ZMAT4: variants seen among roughly 807,000 people sequenced by gnomAD.
The protein encoded by ZMAT4 is zinc finger matrin-type protein 4.
A neutral mutation model predicts 28.7 loss-of-function variants in ZMAT4; 17 were observed. The ratio of observed to expected loss-of-function variants is 0.59; its 90% CI spans 0.41 to 0.89. ZMAT4 has a LOEUF of 0.89. Ranked by LOEUF, ZMAT4 falls within the 40% of genes least tolerant of loss-of-function variation. The probability of loss-of-function intolerance (pLI) is 0.00; values close to 1 mark genes in which losing one functional copy is unlikely to be tolerated. For missense variants in ZMAT4, 240 were observed against 283.8 expected, an observed-to-expected ratio of 0.85 and a Z score of 1.11; for synonymous variants, 117 against 109.2, an observed-to-expected ratio of 1.07 and a Z score of -0.44.
At chr8:40,590,488 C>G (rs944493589) in intron 5 of ZMAT4, among the ~76,000 whole-genome samples, 2 of 151,960 alleles carry the variant, frequency 1.3e-5, no homozygotes, top group Non-Finnish European at 2.9e-5. Context: ...GAAAATCAAA[C>G]GGCTCTTTTA....
chr8:40,601,451 AGGAAGGG>A (rs1479816722), intron 5 of ZMAT4, among the ~76,000 whole-genome samples: 2,362 of 125,760 alleles, frequency 0.019, 244 homozygotes, highest in African/African-American at 0.048. Flanking sequence ...GAAGGAAGGA[AGGAAGGG>A]AGGAAGAAAG....
chr8:40,781,787 A>AG (rs1563480279), intron 2 of ZMAT4, among the ~76,000 whole-genome samples: 6 of 143,794 alleles, frequency 4.2e-5, no homozygotes, highest in Non-Finnish European at 7.5e-5. Context: ...AAAAAAAAAA[A>AG]AAAAGAAAAG....
intron 3 of ZMAT4, among the ~76,000 whole-genome samples, chr8:40,747,231 G>A (rs980674264): frequency 1.3e-5 from 2 of 152,170 alleles, no homozygotes; most frequent in Non-Finnish European, 2.9e-5. Context: ...TGGTTTCCAA[G>A]GAGCTTTTAA....
At chr8:40,727,483 G>A (rs1315775785) in intron 3 of ZMAT4, among the ~76,000 whole-genome samples, 4 of 152,206 alleles carry the variant, frequency 2.6e-5, no homozygotes, top group Admixed American at 6.5e-5. Context: ...GTGGTGCTAA[G>A]TGGATGTATT....
intron 3 of ZMAT4, among the ~76,000 whole-genome samples, chr8:40,720,755 A>T (rs1363759805): frequency 1.3e-5 from 2 of 151,602 alleles, no homozygotes; most frequent in Non-Finnish European, 2.9e-5. Context: ...TGAACTCCTG[A>T]CCTCAAGTAA....
chr8:40,607,759 G>A (rs1805648818), intron 5 of ZMAT4, among the ~76,000 whole-genome samples: 2 of 152,114 alleles, frequency 1.3e-5, no homozygotes, highest in Admixed American at 1.3e-4. Flanking sequence ...CCCTAGTGAT[G>A]TGACTTTCTG....
chr8:40,871,282 A>G (rs999385518), intron 1 of ZMAT4, among the ~76,000 whole-genome samples: 2 of 152,194 alleles, frequency 1.3e-5, no homozygotes, highest in Non-Finnish European at 2.9e-5. Flanking sequence ...ATGAGTGCAC[A>G]ATGTCCAAAG....
At chr8:40,791,673 CAGAACAT>C (rs939373497) in intron 2 of ZMAT4, among the ~76,000 whole-genome samples, 16 of 152,318 alleles carry the variant, frequency 1.1e-4, no homozygotes, top group African/African-American at 3.6e-4. Flanking sequence ...CTCCAGAACT[CAGAACAT>C]AGATTTTTTT....
intron 1 of ZMAT4, among the ~76,000 whole-genome samples, chr8:40,863,196 G>A (rs16875495): frequency 0.022 from 3,307 of 152,140 alleles, 92 homozygotes; most frequent in Admixed American, 0.085. Flanking sequence ...CAAGGATGGC[G>A]CGGACCTCAG....
intron 1 of ZMAT4, among the ~76,000 whole-genome samples, chr8:40,856,153 A>G (rs11993982): frequency 0.11 from 16,529 of 152,146 alleles, 1,139 homozygotes; most frequent in African/African-American, 0.18. Context: ...GCGGCTACTG[A>G]TCTCTGCATT....
At chr8:40,750,814 A>G (rs1812425492) in intron 3 of ZMAT4, among the ~76,000 whole-genome samples, 1 of 152,232 alleles carries the variant, frequency 6.6e-6, no homozygotes, top group South Asian at 2.1e-4. Context: ...CCCCAAAAAC[A>G]AACACCAGCA....
rs571304075 is a variant in ZMAT4 at position 40,624,350 on chromosome 8, C to T, written c.578-43089G>A. Among the ~76,000 whole-genome samples, 125 of 152,314 alleles carry T rather than the reference C, an allele frequency of 8.2e-4. 1 individual carries two copies. In the South Asian group the frequency reaches 0.013, roughly 16 times the overall value. ...GTGGTCTGCAACTAGGATGAGAACTCTCACCAGAACCAGACCCTGATGGCA... is the reference window on the plus strand; with the variant it reads ...GTGGTCTGCAACTAGGATGAGAACTTTCACCAGAACCAGACCCTGATGGCA... On this transcript the variant is annotated intron_variant, in intron 5 of 6. Transcript: ENST00000297737.
chr8:40,546,314 A>AG (rs1327457773), intron 6 of ZMAT4, among the ~76,000 whole-genome samples: 1 of 152,080 alleles, frequency 6.6e-6, no homozygotes, highest in African/African-American at 2.4e-5. Context: ...AAAAAAAAAA[A>AG]AAGAAAATCA....
At chr8:40,538,926 C>T (rs549526123) in intron 6 of ZMAT4, among the ~76,000 whole-genome samples, 108 of 152,182 alleles carry the variant, frequency 7.1e-4, no homozygotes, top group African/African-American at 2.5e-3. Context: ...GCTGGGATTA[C>T]AGGCACCCGC....
In ZMAT4 at chr8:40,688,283, C is replaced by T. The variant is rs557580038; in HGVS notation, c.349+8962G>A. The stretch of plus-strand genomic sequence containing the variant: ...CCAGCCTGACCAACATGGTGAAATC[C>T]CATCTCTACTAAAAATACAAAAATT... On this transcript the variant is annotated intron_variant, in intron 4 of 6. Transcript: ENST00000297737. Among the ~76,000 whole-genome samples the T allele has an allele frequency of 2.0e-5, 3 of 152,060 alleles. No homozygotes were observed. In the South Asian group the frequency reaches 6.2e-4, roughly 32 times the overall value.
chr8:40,585,012 A>G (rs1188390910), intron 5 of ZMAT4, among the ~76,000 whole-genome samples: 1 of 152,174 alleles, frequency 6.6e-6, no homozygotes, highest in Non-Finnish European at 1.5e-5. Flanking sequence ...GCCCACATCT[A>G]CAATCTGAAC....
chr8:40,567,945 G>A (rs1461982837), intron 6 of ZMAT4, among the ~76,000 whole-genome samples: 1 of 152,078 alleles, frequency 6.6e-6, no homozygotes, highest in Non-Finnish European at 1.5e-5. Flanking sequence ...GTAGCATAAA[G>A]ATTCCTGAGT....
At chr8:40,825,917 T>C (rs1316616598) in intron 1 of ZMAT4, among the ~76,000 whole-genome samples, 2 of 152,254 alleles carry the variant, frequency 1.3e-5, no homozygotes, top group Non-Finnish European at 2.9e-5. Context: ...AATCCAGCTA[T>C]AGTTTTTCTG....
At chr8:40,823,898 C>T (rs1303408377) in intron 2 of ZMAT4, among the ~76,000 whole-genome samples, 1 of 152,104 alleles carries the variant, frequency 6.6e-6, no homozygotes, top group African/African-American at 2.4e-5. Flanking sequence ...CAAACATTTG[C>T]TTTCATCAAA....
Sources: gnomAD v4.1 joint callset for allele counts (sites outside exome capture counted in the v4.1 genomes callset) on GRCh38, gnomAD v4.1.1 for gene constraint, MANE v1.5 for transcripts, NCBI Gene and HGNC (gene_info 2026-07-23, HGNC 2026-07-21) for gene names.